The following ATP8A2 variants were observed in gnomAD, a reference collection of about 807,000 sequenced individuals.
ATP8A2 encodes phospholipid-transporting ATPase IB.
Under a neutral mutation model 165.6 loss-of-function variants are expected in ATP8A2, and 100 were observed. The ratio of observed to expected loss-of-function variants is 0.60; its 90% CI spans 0.51 to 0.71. The LOEUF is 0.71. Among genes scored for constraint, ATP8A2 ranks in the 30% least tolerant of loss-of-function variants. The probability of loss-of-function intolerance (pLI) is 0.00; values close to 1 mark genes in which losing one functional copy is unlikely to be tolerated. For missense variants in ATP8A2, 1,227 were observed against 1,479.5 expected, an observed-to-expected ratio of 0.83 and a Z score of 2.80; for synonymous variants, 543 against 548.8, an observed-to-expected ratio of 0.99 and a Z score of 0.15.
At chr13:25,503,803 T>C (rs913950809) in intron 2 of ATP8A2, among the ~76,000 whole-genome samples, 1 of 152,142 alleles carries the variant, frequency 6.6e-6, no homozygotes, top group Non-Finnish European at 1.5e-5. Flanking sequence ...TGGTGTGGCA[T>C]GTGACTCTGA....
intron 27 of ATP8A2, among the ~76,000 whole-genome samples, chr13:25,813,408 A>ATATGATATGATATGG (rs1555270828): frequency 7.8e-5 from 10 of 128,606 alleles, no homozygotes; most frequent in Non-Finnish European, 1.6e-4. Flanking sequence ...ATATGATATG[A>ATATGATATGATATGG]TATGATATGA....
intron 1 of ATP8A2, among the ~76,000 whole-genome samples, chr13:25,394,534 A>G (rs1197225396): frequency 6.6e-6 from 1 of 152,220 alleles, no homozygotes; most frequent in African/African-American, 2.4e-5. Flanking sequence ...GAAGAGGAAG[A>G]TAAAGACAAA....
intron 1 of ATP8A2, among the ~76,000 whole-genome samples, chr13:25,465,713 TTCTTTCTTTC>T (rs2035631991): frequency 4.4e-5 from 2 of 45,424 alleles, no homozygotes; most frequent in African/African-American, 2.0e-4. Flanking sequence ...CTTTCTTTCT[TTCTTTCTTTC>T]TTTCTTTCTT....
At position 25,976,296 on chromosome 13, in the gene ATP8A2, C is replaced by A. The variant is rs58947002; in HGVS notation, c.3377+7617C>A. On this transcript the variant is annotated intron_variant, in intron 35 of 36. Coordinates refer to ENST00000381655, the MANE Select transcript of ATP8A2 (RefSeq NM_016529.6). ...TCCACTTTATTTTTTTATCATAACA[C>A]TGATCCCCACATGCAGCAAATGAAA... Among the ~76,000 whole-genome samples the A allele has an allele frequency of 7.7e-4, 117 of 152,202 alleles. 1 individual carries two copies. In the East Asian group the frequency reaches 0.02, roughly 26 times the overall value.
At chr13:25,535,416 C>T (rs1164300188) in intron 6 of ATP8A2, among the ~76,000 whole-genome samples, 1 of 152,184 alleles carries the variant, frequency 6.6e-6, no homozygotes, top group Non-Finnish European at 1.5e-5. Flanking sequence ...ACTTGAGGAA[C>T]TCTCTGAGGC....
At chr13:25,572,415 C>T (rs2039494054) in intron 18 of ATP8A2, among the ~76,000 whole-genome samples, 1 of 152,174 alleles carries the variant, frequency 6.6e-6, no homozygotes, top group African/African-American at 2.4e-5. Flanking sequence ...CTGGGACAGG[C>T]GTGAGCCACT....
chr13:25,748,674 A>G (rs2044089060), intron 25 of ATP8A2, among the ~76,000 whole-genome samples: 3 of 152,120 alleles, frequency 2.0e-5, no homozygotes, highest in African/African-American at 7.2e-5. Flanking sequence ...ATGGGTTTAG[A>G]TGTTTCTGCT....
intron 35 of ATP8A2, 72 bp from the exon 36 acceptor site, chr13:26,012,459 C>T: frequency 1.6e-6 from 2 of 1,253,688 alleles, no homozygotes; most frequent in Non-Finnish European, 2.2e-6. Context: ...CATCCCACCC[C>T]CTTCTGTCTG....
chr13:25,401,554 G>A (rs1161834454), intron 1 of ATP8A2, among the ~76,000 whole-genome samples: 1 of 151,554 alleles, frequency 6.6e-6, no homozygotes. Context: ...GCTTCAAGCT[G>A]TTCTTTTTTT....
At chr13:25,679,530 T>C (rs1191746866) in intron 24 of ATP8A2, among the ~76,000 whole-genome samples, 4 of 152,212 alleles carry the variant, frequency 2.6e-5, no homozygotes, top group African/African-American at 7.2e-5. Flanking sequence ...ATGACACTTA[T>C]GACTGTCAGC....
chr13:25,851,875 C>CT (rs1952017236), intron 30 of ATP8A2, among the ~76,000 whole-genome samples: 1 of 151,830 alleles, frequency 6.6e-6, no homozygotes, highest in Non-Finnish European at 1.5e-5. Flanking sequence ...TTTTTAGAGA[C>CT]TAAGTCTCAC....
chr13:25,930,286 C>T (rs1197846743), intron 33 of ATP8A2, among the ~76,000 whole-genome samples: 1 of 152,238 alleles, frequency 6.6e-6, no homozygotes, highest in African/African-American at 2.4e-5. Context: ...ATACTTAGAA[C>T]CCAGATACCT....
chr13:26,000,229 TA>T (rs1375363640), intron 35 of ATP8A2, among the ~76,000 whole-genome samples: 12 of 152,208 alleles, frequency 7.9e-5, no homozygotes, highest in Admixed American at 6.5e-4. Flanking sequence ...GACTGCCCAG[TA>T]GCTAATTTAA....
At chr13:25,492,008 G>C (rs1368019734) in intron 2 of ATP8A2, among the ~76,000 whole-genome samples, 3 of 152,032 alleles carry the variant, frequency 2.0e-5, no homozygotes, top group Non-Finnish European at 2.9e-5. Flanking sequence ...CTTTTTTTTG[G>C]ACGATAAAAA....
rs57755000 is a variant in ATP8A2 at position 25,510,174 on chromosome 13, A to AACACACACAC, written c.222-19787_222-19778dup. Among the ~76,000 whole-genome samples the AACACACACAC allele has an allele frequency of 2.2e-3, 285 of 128,586 alleles. 1 individual carries two copies. The highest frequency in any genetic ancestry group is 6.8e-3 in the African/African-American group (229 of 33,862). 84.4% of individuals were successfully genotyped at this position (128,586 alleles called of 152,430 possible). A position where few individuals can be genotyped will look rare whatever the true frequency, so the allele number is the denominator to read the frequency against. On this transcript the variant is annotated intron_variant, in intron 2 of 36. Coordinates refer to ENST00000381655, the MANE Select transcript of ATP8A2 (RefSeq NM_016529.6). The stretch of plus-strand genomic sequence containing the variant: ...CCTTTGTCTGTTCCCGTCTGTCTGT[A>AACACACACAC]ACACACACACACACACACACACACA...
intron 33 of ATP8A2, among the ~76,000 whole-genome samples, chr13:25,957,778 G>A (rs1227896137): frequency 6.6e-6 from 1 of 152,030 alleles, no homozygotes; most frequent in African/African-American, 2.4e-5. Context: ...TATACCCAAA[G>A]GATTATAAAT....
intron 33 of ATP8A2, among the ~76,000 whole-genome samples, chr13:25,940,313 G>A (rs1042512000): frequency 3.9e-5 from 6 of 152,088 alleles, no homozygotes; most frequent in South Asian, 2.1e-4. Flanking sequence ...TCCCATCTCC[G>A]AGTTAAGACC....
intron 24 of ATP8A2, among the ~76,000 whole-genome samples, chr13:25,621,443 C>T (rs574282710): frequency 2.6e-4 from 39 of 152,270 alleles, no homozygotes; most frequent in African/African-American, 9.1e-4. Flanking sequence ...GCCTCTGTCT[C>T]AGATTTTTAT....
chr13:25,870,983 T>C (rs367805905), intron 33 of ATP8A2, among the ~76,000 whole-genome samples: 3 of 152,276 alleles, frequency 2.0e-5, no homozygotes, highest in South Asian at 2.1e-4. Context: ...AAGCCCTCAT[T>C]TTTTTAGTCC....
Sources: allele counts gnomAD v4.1 joint callset (sites outside exome capture counted in the v4.1 genomes callset), GRCh38; gene constraint gnomAD v4.1.1; transcripts MANE v1.5; gene names NCBI Gene and HGNC (gene_info 2026-07-23, HGNC 2026-07-21).